Variants in NFE2L2 observed in about 807,000 individuals in gnomAD.
The protein encoded by NFE2L2 is nuclear factor erythroid 2-related factor 2.
Under a neutral mutation model 49.6 loss-of-function variants are expected in NFE2L2, and 20 were observed. That is an observed-to-expected ratio of 0.40 (90% CI 0.28 to 0.59). The LOEUF (loss-of-function observed/expected upper bound fraction) is 0.59. Ranked by LOEUF, NFE2L2 falls within the 20% of genes least tolerant of loss-of-function variation. The pLI, the probability that NFE2L2 is intolerant of heterozygous loss-of-function variation, is 0.40. For synonymous variants in NFE2L2, 244 were observed against 256.5 expected, an observed-to-expected ratio of 0.95 and a Z score of 0.47; for missense variants, 578 against 714.2, an observed-to-expected ratio of 0.81 and a Z score of 2.17.
intron 1 of NFE2L2, among the ~76,000 whole-genome samples, chr2:177,244,773 G>A (rs922667146): frequency 6.6e-6 from 1 of 152,104 alleles, no homozygotes; most frequent in African/African-American, 2.4e-5. Flanking sequence ...TTGGGAGGCC[G>A]AGGCGGGCGG....
At chr2:177,261,353 T>C (rs2105497836) in intron 1 of NFE2L2, among the ~76,000 whole-genome samples, 1 of 152,276 alleles carries the variant, frequency 6.6e-6, no homozygotes, top group African/African-American at 2.4e-5. Flanking sequence ...TCTTGCTAAA[T>C]GGAAAAGCTG....
intron 1 of NFE2L2, among the ~76,000 whole-genome samples, chr2:177,257,495 T>C (rs533794124): frequency 1.2e-4 from 19 of 152,354 alleles, no homozygotes; most frequent in African/African-American, 4.1e-4. Flanking sequence ...AGTTCCTGAA[T>C]GTAGGTGTTA....
chr2:177,246,123 C>CTAA (rs1216529962), intron 1 of NFE2L2, among the ~76,000 whole-genome samples: 2 of 152,214 alleles, frequency 1.3e-5, no homozygotes, highest in African/African-American at 4.8e-5. Context: ...AGGCAGGAAA[C>CTAA]TAAGAGTTAA....
intron 1 of NFE2L2, among the ~76,000 whole-genome samples, chr2:177,253,456 A>C (rs1454856449): frequency 6.6e-6 from 1 of 152,250 alleles, no homozygotes; most frequent in Non-Finnish European, 1.5e-5. Context: ...TTTGAAAAAC[A>C]AATGTCCCTC....
intron 1 of NFE2L2, among the ~76,000 whole-genome samples, chr2:177,252,418 G>C (rs1690374756): frequency 6.6e-6 from 1 of 152,174 alleles, no homozygotes; most frequent in African/African-American, 2.4e-5. Flanking sequence ...TCATAGGAGA[G>C]AAAAGAGAGG....
intron 4 of NFE2L2, 36 bp from the exon 5 acceptor site, chr2:177,232,044 A>C: frequency 1.3e-6 from 2 of 1,530,608 alleles, no homozygotes; most frequent in Middle Eastern, 1.8e-4. Context: ...TATAAATCAA[A>C]GTTAATCCAT....
At chr2:177,252,519 T>G (rs1690378217) in intron 1 of NFE2L2, among the ~76,000 whole-genome samples, 1 of 152,126 alleles carries the variant, frequency 6.6e-6, no homozygotes, top group African/African-American at 2.4e-5. Flanking sequence ...AAATAGTAAA[T>G]CAATCTAAGA....
At chr2:177,236,495 C>A (rs1689754883) in intron 1 of NFE2L2, among the ~76,000 whole-genome samples, 1 of 152,144 alleles carries the variant, frequency 6.6e-6, no homozygotes, top group African/African-American at 2.4e-5. Flanking sequence ...ATGCACTGTT[C>A]TAAGTACTTT....
chr2:177,252,610 T>G (rs1279709202), intron 1 of NFE2L2, among the ~76,000 whole-genome samples: 4 of 151,688 alleles, frequency 2.6e-5, no homozygotes, highest in Admixed American at 2.6e-4. Context: ...TGGCAACTTC[T>G]GGCTAGTTTT....
At chr2:177,249,214 C>T (rs541737032) in intron 1 of NFE2L2, among the ~76,000 whole-genome samples, 1 of 102,430 alleles carries the variant, frequency 9.8e-6, no homozygotes, top group East Asian at 2.8e-4. Flanking sequence ...AATACCCGGT[C>T]TCCATAAATA....
At chr2:177,239,621 G>A (rs558223239) in intron 1 of NFE2L2, among the ~76,000 whole-genome samples, 11 of 152,296 alleles carry the variant, frequency 7.2e-5, no homozygotes, top group African/African-American at 2.6e-4. Context: ...AGGCTGCAGT[G>A]AGCCAAGATC....
At chr2:177,256,835 G>A (rs1690544491) in intron 1 of NFE2L2, among the ~76,000 whole-genome samples, 1 of 152,214 alleles carries the variant, frequency 6.6e-6, no homozygotes, top group African/African-American at 2.4e-5. Context: ...AGGCCACAGT[G>A]GACAGAGTTA....
chr2:177,250,476 C>T (rs1690294837), intron 1 of NFE2L2, among the ~76,000 whole-genome samples: 1 of 152,308 alleles, frequency 6.6e-6, no homozygotes, highest in Admixed American at 6.5e-5. Context: ...TAAGTAGTAA[C>T]ATAATGGCCA....
chr2:177,262,265 C>G (rs1050718298), intron 1 of NFE2L2, among the ~76,000 whole-genome samples: 1 of 152,226 alleles, frequency 6.6e-6, no homozygotes, highest in Non-Finnish European at 1.5e-5. Flanking sequence ...ATAATCTCAT[C>G]GGTCTATTTC....
At chr2:177,243,528 T>A (rs1307172620) in intron 1 of NFE2L2, among the ~76,000 whole-genome samples, 3 of 152,302 alleles carry the variant, frequency 2.0e-5, no homozygotes, top group South Asian at 4.1e-4. Context: ...TCAGATTTTT[T>A]TTTTAAAAGA....
intron 1 of NFE2L2, among the ~76,000 whole-genome samples, chr2:177,254,782 G>A (rs1037206588): frequency 1.3e-5 from 2 of 152,216 alleles, no homozygotes; most frequent in East Asian, 1.9e-4. Flanking sequence ...AAAACAAGCA[G>A]AGAATAGGGA....
chr2:177,235,441 A>G (rs1689714269), intron 1 of NFE2L2, among the ~76,000 whole-genome samples: 1 of 152,048 alleles, frequency 6.6e-6, no homozygotes, highest in Admixed American at 6.6e-5. Flanking sequence ...TGTCTCATAA[A>G]TAAATAAATA....
Position 177,231,528 on chromosome 2 carries a change from G to C in NFE2L2, c.1075C>G (p.His359Asp). The change falls in exon 5 of 5, where the codon CAC becomes GAC. Residue 359 changes from histidine (H) to aspartate (D), a missense_variant. Physicochemically the swap from His to Asp is moderately conservative, Grantham distance 81 (BLOSUM62 -1). Around this residue, in one of 3 missense-constraint regions of NFE2L2, gnomAD observed 368 missense variants for 384.6 expected, o/e 0.96. Transcript: ENST00000397062. ...CCATAGCTGGAAGATTCCACTGAGT[G>C]TTCTGGTGATGCCACACTGGGACTT... ...NTSPSVASPEHSVESSSYGDT... is the reference protein window; with the variant it reads ...NTSPSVASPEDSVESSSYGDT... The C allele has an allele frequency of 6.2e-7, 1 of 1,614,212 alleles. No individual in the cohort carries two copies. Among genetic ancestry groups the C allele is most frequent in the Non-Finnish European group, 8.5e-7 (1 of 1,180,018 alleles).
chr2:177,235,275 A>AAAC (rs907873833), intron 1 of NFE2L2, among the ~76,000 whole-genome samples: 4 of 151,426 alleles, frequency 2.6e-5, no homozygotes, highest in East Asian at 3.9e-4. Flanking sequence ...AAACAAAAAC[A>AAAC]AACAACAACA....
Sources: allele counts gnomAD v4.1 joint callset (sites outside exome capture counted in the v4.1 genomes callset), GRCh38; gene constraint gnomAD v4.1.1; regional missense constraint gnomAD v4.1.1; transcripts MANE v1.5; gene names NCBI Gene and HGNC (gene_info 2026-07-23, HGNC 2026-07-21).